SV2C: variants seen among roughly 807,000 people sequenced by gnomAD.
SV2C encodes synaptic vesicle glycoprotein 2C.
SV2C carries 49 observed loss-of-function variants against 79.7 expected under a neutral mutation model. That is an observed-to-expected ratio of 0.61 (90% confidence interval 0.49 to 0.78). SV2C has a LOEUF of 0.78. Among genes scored for constraint, SV2C ranks in the 30% least tolerant of loss-of-function variants. The pLI is 0.00. For synonymous variants in SV2C, 334 were observed against 333.2 expected (o/e 1.00, Z -0.03); for missense variants, 833 against 912.9 (o/e 0.91, Z 1.13).
At chr5:76,039,702 A>G in the SV2C span, among the ~76,000 whole-genome samples, 1 of 151,298 alleles carries the variant, frequency 6.6e-6, no homozygotes, top group South Asian at 2.1e-4. Context: ...GTTGCAGTGA[A>G]CTAAGATCAT....
upstream of SV2C, among the ~76,000 whole-genome samples, chr5:76,081,083 G>T (rs866625914): frequency 1.3e-5 from 2 of 152,212 alleles, no homozygotes; most frequent in African/African-American, 4.8e-5. Flanking sequence ...CACAATCAGG[G>T]ATTTTCCTAA....
intron 1 of SV2C, among the ~76,000 whole-genome samples, chr5:76,113,099 A>C (rs1311606357): frequency 6.6e-6 from 1 of 152,188 alleles, no homozygotes; most frequent in Admixed American, 6.5e-5. Context: ...TGTGTTTTTA[A>C]AAAATTTCAG....
At chr5:76,260,402 C>G (rs145453850) in intron 4 of SV2C, among the ~76,000 whole-genome samples, 1 of 152,080 alleles carries the variant, frequency 6.6e-6, no homozygotes, top group Non-Finnish European at 1.5e-5. Context: ...TGCCTGTTCA[C>G]GCTGATGATA....
the SV2C span, among the ~76,000 whole-genome samples, chr5:75,927,698 C>T: frequency 2.0e-5 from 3 of 152,106 alleles, 1 homozygote; most frequent in Admixed American, 2.0e-4. Context: ...CACAAAAGAA[C>T]ATAAAGACAT....
At chr5:75,938,372 A>G in the SV2C span, among the ~76,000 whole-genome samples, 1 of 152,240 alleles carries the variant, frequency 6.6e-6, no homozygotes, top group Non-Finnish European at 1.5e-5. Context: ...GGTGCCATTC[A>G]TAATACTGAT....
the SV2C span, among the ~76,000 whole-genome samples, chr5:75,924,190 A>G: frequency 1.3e-5 from 2 of 152,300 alleles, no homozygotes. Flanking sequence ...TCTCCCTTAG[A>G]AGTGGGAGCT....
At chr5:75,998,437 C>T in the SV2C span, among the ~76,000 whole-genome samples, 6 of 152,052 alleles carry the variant, frequency 3.9e-5, no homozygotes, top group African/African-American at 1.4e-4. Context: ...TCATTATGTG[C>T]TCCCTGAAGT....
chr5:75,914,546 C>T, the SV2C span, among the ~76,000 whole-genome samples: 1 of 152,052 alleles, frequency 6.6e-6, no homozygotes, highest in African/African-American at 2.4e-5. Flanking sequence ...GCATTTGTTA[C>T]AGAGGGAATG....
intron 2 of SV2C, among the ~76,000 whole-genome samples, chr5:76,156,622 T>C (rs1742736173): frequency 1.3e-5 from 2 of 151,976 alleles, no homozygotes; most frequent in South Asian, 4.1e-4. Flanking sequence ...ATATGCATAA[T>C]AAATACATTC....
rs1749071355 is a variant in SV2C, at chr5:76,328,407, A to G, written c.*2860A>G. The G allele has an allele frequency of 6.6e-6, 1 of 152,180 alleles. No homozygotes were observed. The highest frequency in any genetic ancestry group is 1.9e-4 in the East Asian group (1 of 5,200). 9.4% of individuals were successfully genotyped at this position (152,180 alleles called of 1,614,324 possible). A position where few individuals can be genotyped will look rare whatever the true frequency, so the allele number is the denominator to read the frequency against. On this transcript the variant is annotated 3_prime_UTR_variant, in exon 13 of 13. Coordinates refer to ENST00000502798, the MANE Select transcript of SV2C (RefSeq NM_014979.4). ...TCCCAAGTCCCATTATTATCACAGA[A>G]TCTTCTCAGTAGGGAAAAACAAACA...
intron 3 of SV2C, among the ~76,000 whole-genome samples, chr5:76,203,089 A>C (rs1471339659): frequency 6.6e-6 from 1 of 152,202 alleles, no homozygotes; most frequent in Non-Finnish European, 1.5e-5. Flanking sequence ...TTTGTTTCCC[A>C]GTATACCCTT....
chr5:76,026,201 A>AACAAAC, the SV2C span, among the ~76,000 whole-genome samples: 14 of 140,138 alleles, frequency 1.0e-4, no homozygotes, highest in African/African-American at 3.5e-4. Context: ...CAAATTTACA[A>AACAAAC]ACACACACAC....
chr5:76,281,615 C>G (rs973764106), intron 4 of SV2C, among the ~76,000 whole-genome samples: 1 of 152,138 alleles, frequency 6.6e-6, no homozygotes, highest in Non-Finnish European at 1.5e-5. Flanking sequence ...TAAACGGATT[C>G]GCAGGGCTTC....
intron 1 of SV2C, among the ~76,000 whole-genome samples, chr5:76,120,999 T>C (rs868300385): frequency 3.3e-5 from 5 of 151,052 alleles, no homozygotes; most frequent in Middle Eastern, 3.2e-3. Context: ...GTAAAAGTGT[T>C]CCTATTTCTC....
At chr5:76,037,033 G>A in the SV2C span, among the ~76,000 whole-genome samples, 22 of 152,012 alleles carry the variant, frequency 1.4e-4, no homozygotes, top group African/African-American at 2.7e-4. Flanking sequence ...CCAGTTGATC[G>A]CATCAGCTCC....
At chr5:76,200,060 C>T (rs1008746518) in intron 3 of SV2C, among the ~76,000 whole-genome samples, 2 of 152,216 alleles carry the variant, frequency 1.3e-5, no homozygotes, top group East Asian at 1.9e-4. Flanking sequence ...TCTAAACTGA[C>T]ACTAATTCCA....
chr5:75,978,128 C>T, the SV2C span, among the ~76,000 whole-genome samples: 2 of 152,150 alleles, frequency 1.3e-5, no homozygotes, highest in Admixed American at 6.5e-5. Flanking sequence ...CACCAATGAC[C>T]CCCATATTGC....
intron 12 of SV2C, among the ~76,000 whole-genome samples, chr5:76,309,710 C>G (rs897298707): frequency 6.7e-6 from 1 of 149,072 alleles, no homozygotes; most frequent in East Asian, 2.0e-4. Flanking sequence ...ATACATTCAA[C>G]AAAGCTTGGT....
At chr5:76,023,372 G>C in the SV2C span, among the ~76,000 whole-genome samples, 9 of 152,192 alleles carry the variant, frequency 5.9e-5, 1 homozygote, top group Admixed American at 1.3e-4. Flanking sequence ...CATTTTGTGG[G>C]GGGACTCAAA....
Sources: gnomAD v4.1 joint callset for allele counts (sites outside exome capture counted in the v4.1 genomes callset) on GRCh38, gnomAD v4.1.1 for gene constraint, MANE v1.5 for transcripts, NCBI Gene and HGNC (gene_info 2026-07-23, HGNC 2026-07-21) for gene names.